The following POLQ variants were observed in gnomAD, a reference collection of about 807,000 sequenced individuals.
POLQ encodes the protein epididymis secretory sperm binding protein.
Under a neutral mutation model 259.2 loss-of-function variants are expected in POLQ, and 233 were observed. The observed-to-expected ratio is 0.90, with a 90% confidence interval of 0.81 to 1.00. The LOEUF (loss-of-function observed/expected upper bound fraction) is 1.00, where lower values mean the gene tolerates loss of function less well. POLQ is among the 50% of genes least tolerant of loss of function. The pLI is 0.00. For synonymous variants in POLQ, 1,025 were observed against 1,048.8 expected (o/e 0.98, Z 0.44); for missense variants, 2,871 against 3,051.6 (o/e 0.94, Z 1.39).
chr3:121,461,162 C>T (rs140123413), intron 24 of POLQ, among the ~76,000 whole-genome samples: 1 of 152,310 alleles, frequency 6.6e-6, no homozygotes, highest in African/African-American at 2.4e-5. Flanking sequence ...GAGAAAAACA[C>T]TCGTACATTG....
chr3:121,521,144 A>G (rs1002161868), intron 8 of POLQ, among the ~76,000 whole-genome samples: 8 of 152,208 alleles, frequency 5.3e-5, no homozygotes, highest in Admixed American at 2.6e-4. Context: ...AAAGTCAAAA[A>G]TATAAAGAGG....
intron 24 of POLQ, 101 bp downstream of exon 24, chr3:121,467,418 C>T (rs776033473): frequency 2.2e-5 from 25 of 1,111,956 alleles, no homozygotes; most frequent in Non-Finnish European, 3.1e-5. Flanking sequence ...GATGGAGGGA[C>T]CAATGCATGC....
In POLQ at chr3:121,444,960, G is replaced by C. The variant is rs540173390; in HGVS notation, c.7264+4355C>G. ...CCAGGGACAAATCCCACTTGGTCAT[G>C]ATGAATGATCTTTCTAATATATTGT... is the stretch of plus-strand genomic sequence containing the variant. On this transcript the variant is annotated intron_variant, in intron 26 of 29. Transcript: ENST00000264233. Among the ~76,000 whole-genome samples the C allele has an allele frequency of 3.3e-5, 5 of 152,314 alleles. No homozygotes were observed. The South Asian group carries it at 1.0e-3, about 32-fold the overall frequency.
chr3:121,522,102 C>A lies in POLQ; in HGVS notation c.1156G>T (p.Glu386Ter), dbSNP rs776837608. 6 of 1,610,302 alleles carry A rather than the reference C, an allele frequency of 3.7e-6. No homozygotes were observed. The highest frequency in any genetic ancestry group is 5.1e-6 in the Non-Finnish European group (6 of 1,178,368). ...ECPPVILEQK[E>*]LLEVMDQLRR... Reference sequence around the variant, plus strand: ...AACTGATCCATCACTTCCAGGAGTTCTTTTTGTTCCAGAATTACTGGTGGG... The same window carrying A: ...AACTGATCCATCACTTCCAGGAGTTATTTTTGTTCCAGAATTACTGGTGGG... Residue 386 changes from glutamate (E) to a stop codon, truncating the protein, a stop_gained, in exon 8 of 30, where the codon GAA becomes TAA. Transcript: ENST00000264233. LOFTEE classifies it high-confidence loss of function.
At chr3:121,519,294 C>G (rs957850985) in intron 9 of POLQ, among the ~76,000 whole-genome samples, 3 of 150,238 alleles carry the variant, frequency 2.0e-5, no homozygotes, top group Admixed American at 6.6e-5. Context: ...AATACTAAAT[C>G]ATTTTATTGT....
intron 25 of POLQ, among the ~76,000 whole-genome samples, chr3:121,454,497 G>A (rs1341282964): frequency 6.6e-6 from 1 of 152,162 alleles, no homozygotes; most frequent in Non-Finnish European, 1.5e-5. Flanking sequence ...CATCTCACGT[G>A]CAGAGACACA....
intron 12 of POLQ, among the ~76,000 whole-genome samples, chr3:121,505,499 AGACT>A (rs77950719): frequency 0.043 from 6,514 of 152,298 alleles, 203 homozygotes; most frequent in Non-Finnish European, 0.062. Flanking sequence ...GTCTTTTGTC[AGACT>A]AACAAGTGAA....
At chr3:121,515,714 C>G (rs1213054402) in intron 9 of POLQ, among the ~76,000 whole-genome samples, 1 of 152,160 alleles carries the variant, frequency 6.6e-6, no homozygotes, top group Non-Finnish European at 1.5e-5. Flanking sequence ...CCTATAAAAG[C>G]CAAAGAGGTA....
In POLQ at chr3:121,489,342, G is replaced by A. The variant is rs190607249; in HGVS notation, c.3589C>T (p.Arg1197Ter). 41 of 1,612,946 alleles carry A rather than the reference G, an allele frequency of 2.5e-5. No individual in the cohort carries two copies. Among genetic ancestry groups the A allele is most frequent in the Non-Finnish European group, 3.2e-5 (38 of 1,179,578 alleles). ...CTTGTCTGTTCATGAGATTGCTTTC[G>A]CAGGTACTGGTTAATTGGATGGATG... ...HDIHPINQYL[R>*]KQSHEQTSTI... The change falls in exon 16 of 30, where the codon CGA (arginine) becomes TGA (stop). Residue 1197 changes from arginine to a stop codon, truncating the protein, a stop_gained. Coordinates refer to ENST00000264233, the MANE Select transcript of POLQ (RefSeq NM_199420.4). LOFTEE classifies it high-confidence loss of function.
Position 121,488,997 on chromosome 3 carries a change from C to A in POLQ, c.3934G>T (p.Gly1312Cys). 6 of 1,612,998 alleles carry A rather than the reference C, an allele frequency of 3.7e-6. No individual in the cohort carries two copies. Among genetic ancestry groups the A allele is most frequent in the Non-Finnish European group, 5.1e-6 (6 of 1,179,164 alleles). The stretch of plus-strand genomic sequence containing the variant: ...TCTTCAAAATCACAGAGGACTAAAC[C>A]TAAGTCAGAAACATGATTATTTTTA... ...KTKNNHVSDLGLVLCDFEDSF... is the reference protein window; with the variant it reads ...KTKNNHVSDLCLVLCDFEDSF... The change falls in exon 16 of 30, where the codon GGT (glycine) becomes TGT (cysteine). Residue 1312 changes from glycine to cysteine, a missense_variant. Gly to Cys is a radical substitution (Grantham distance 159). Around this residue, in one of 3 missense-constraint regions of POLQ, gnomAD observed 2,080 missense variants for 2,126.0 expected, o/e 0.98. Coordinates refer to ENST00000264233, the MANE Select transcript of POLQ (RefSeq NM_199420.4).
At chr3:121,459,992 A>AT (rs2047777653) in intron 25 of POLQ, 58 bp downstream of exon 25, 46 of 1,337,560 alleles carry the variant, frequency 3.4e-5, no homozygotes, top group Non-Finnish European at 4.2e-5. Flanking sequence ...ACCATTTTTA[A>AT]TTTTTTTTGA....
In POLQ at chr3:121,529,681, C is replaced by A; in HGVS notation, c.1072G>T (p.Ala358Ser). Residue 358 changes from alanine to serine, a missense_variant, in exon 7 of 30, where the codon GCT (alanine) becomes TCT (serine). Transcript: ENST00000264233. ...TGATGTAGATTATAAAACTCTCGAG[C>A]AATGATATCTGCCAGCTTCTCACAC... is the stretch of plus-strand genomic sequence containing the variant. ...KWCEKLADII[A>S]REFYNLHHQA... The A allele has an allele frequency of 6.2e-7, 1 of 1,613,528 alleles. No homozygotes were observed.
At chr3:121,486,011 A>G (rs958216530) in intron 16 of POLQ, among the ~76,000 whole-genome samples, 2 of 152,242 alleles carry the variant, frequency 1.3e-5, no homozygotes, top group Non-Finnish European at 1.5e-5. Flanking sequence ...AGCTCACGCA[A>G]TAAGACAGGA....
Position 121,522,107 on chromosome 3 carries a change from T to A in POLQ, c.1151A>T (p.Gln384Leu), listed in dbSNP as rs201034298. ...PSECPPVILE[Q>L]KELLEVMDQL... The stretch of plus-strand genomic sequence containing the variant: ...ATCCATCACTTCCAGGAGTTCTTTT[T>A]GTTCCAGAATTACTGGTGGGCATTC... The change falls in exon 8 of 30, where the codon CAA (glutamine) becomes CTA (leucine). Residue 384 changes from glutamine (Q) to leucine (L), a missense_variant. Gln to Leu is a moderately radical substitution (Grantham distance 113). This residue lies in a region of POLQ where 783 missense variants were observed against 906.2 expected (regional missense o/e 0.86). Transcript: ENST00000264233. 63 of 1,610,384 alleles carry A rather than the reference T, an allele frequency of 3.9e-5. No individual in the cohort carries two copies. The East Asian group carries it at 1.3e-3, about 33-fold the overall frequency.
intron 7 of POLQ, among the ~76,000 whole-genome samples, chr3:121,526,875 ATGTG>A (rs112164513): frequency 7.4e-5 from 11 of 148,792 alleles, no homozygotes; most frequent in Admixed American, 3.3e-4. Flanking sequence ...GTGTCTCTGT[ATGTG>A]TGTGTGTGTG....
chr3:121,540,280 C>A (rs1268137328), intron 3 of POLQ, among the ~76,000 whole-genome samples: 1 of 151,980 alleles, frequency 6.6e-6, no homozygotes, highest in African/African-American at 2.4e-5. Flanking sequence ...TAAGTTAACC[C>A]ACAGGGCTAA....
In POLQ at chr3:121,460,110, T is replaced by C; in HGVS notation, c.7092A>G (p.Ala2364=). ...TGADVFRSIA[A]EWKMIEPESV... ...ACTCTGGCTCAATCATCTTCCACTCTGCTGCAATGCTCCTGAAAACATCAG... is the reference window on the plus strand; with the variant it reads ...ACTCTGGCTCAATCATCTTCCACTCCGCTGCAATGCTCCTGAAAACATCAG... Residue 2364 remains alanine (A), a synonymous_variant, in exon 25 of 30, where the codon GCA becomes GCG. Coordinates refer to ENST00000264233, the MANE Select transcript of POLQ (RefSeq NM_199420.4). 1.9e-6 allele frequency: 3 copies of C among 1,614,122 alleles called. No individual in the cohort carries two copies. Among genetic ancestry groups the C allele is most frequent in the Non-Finnish European group, 2.5e-6 (3 of 1,179,970 alleles).
chr3:121,477,513 A>T (rs2047936426), intron 19 of POLQ, among the ~76,000 whole-genome samples: 1 of 152,212 alleles, frequency 6.6e-6, no homozygotes, highest in Non-Finnish European at 1.5e-5. Context: ...CACATTTTGG[A>T]TAAGGCAGAC....
At chr3:121,439,535 A>AAAAGCCAC (rs2047571954) in intron 27 of POLQ, among the ~76,000 whole-genome samples, 1 of 152,202 alleles carries the variant, frequency 6.6e-6, no homozygotes, top group Non-Finnish European at 1.5e-5. Flanking sequence ...GCCTGGCCAG[A>AAAAGCCAC]TAGTGCTTTT....
Sources: gnomAD v4.1 joint callset for allele counts (sites outside exome capture counted in the v4.1 genomes callset) on GRCh38, gnomAD v4.1.1 for gene constraint, gnomAD v4.1.1 regional missense constraint, MANE v1.5 for transcripts, NCBI Gene and HGNC (gene_info 2026-07-23, HGNC 2026-07-21) for gene names.